The following PTPRA variants were observed in gnomAD, a reference collection of about 807,000 sequenced individuals.
The protein encoded by PTPRA is protein tyrosine phosphatase receptor type A, also known as receptor-type tyrosine-protein phosphatase alpha.
In PTPRA, 25 loss-of-function variants were observed where a neutral mutation model predicts 104.8. The observed-to-expected ratio is 0.24, with a 90% CI of 0.17 to 0.33. PTPRA has a LOEUF of 0.33. PTPRA is among the 10% of genes least tolerant of loss of function. The pLI is 1.00. For synonymous variants in PTPRA, 323 were observed against 368.9 expected (o/e 0.88, Z 1.43); for missense variants, 765 against 1,015.3 (o/e 0.75, Z 3.35).
chr20:3,007,298 GAA>G (rs1351839806), intron 10 of PTPRA, 44 bp from the exon 11 acceptor site: 1 of 1,573,920 alleles, frequency 6.4e-7, no homozygotes, highest in South Asian at 1.1e-5. Flanking sequence ...GGTTCTGTGA[GAA>G]ATAAATTTTG....
intron 11 of PTPRA, among the ~76,000 whole-genome samples, chr20:3,010,174 T>G (rs115108408): frequency 6.6e-6 from 1 of 151,720 alleles, no homozygotes; most frequent in Non-Finnish European, 1.5e-5. Flanking sequence ...TCTCATATAC[T>G]GTGAAAGCAA....
intron 3 of PTPRA, among the ~76,000 whole-genome samples, chr20:2,959,295 T>C (rs993175000): frequency 6.6e-6 from 1 of 152,210 alleles, no homozygotes; most frequent in Non-Finnish European, 1.5e-5. Flanking sequence ...AGGCTAATTG[T>C]TACTCCCACC....
chr20:3,013,035 T>C (rs1400142434), intron 11 of PTPRA, among the ~76,000 whole-genome samples: 1 of 152,194 alleles, frequency 6.6e-6, no homozygotes, highest in Non-Finnish European at 1.5e-5. Flanking sequence ...TTTTAGAACA[T>C]TGTCATCCCC....
intron 2 of PTPRA, among the ~76,000 whole-genome samples, chr20:2,926,390 C>T (rs549860539): frequency 6.6e-6 from 1 of 152,284 alleles, no homozygotes; most frequent in African/African-American, 2.4e-5. Context: ...TTGTAGATGG[C>T]ATTCTCTCTG....
At chr20:2,903,508 AGACTCT>A (rs1043038077) in intron 1 of PTPRA, among the ~76,000 whole-genome samples, 2 of 152,154 alleles carry the variant, frequency 1.3e-5, no homozygotes, top group African/African-American at 4.8e-5. Flanking sequence ...CAACATAGCA[AGACTCT>A]GACTCTGCAA....
In PTPRA at chr20:2,923,285, G is replaced by A. The variant is rs2060163149; in HGVS notation, c.-50G>A. Reference sequence around the variant, plus strand: ...TGGATGATGCAGTTCAAATAACTAAGGTAAGAGAAATAAAACCAGAACTGT... The same window carrying A: ...TGGATGATGCAGTTCAAATAACTAAAGTAAGAGAAATAAAACCAGAACTGT... On this transcript the variant is annotated splice_region_variant and 5_prime_UTR_variant, in exon 2 of 24. Coordinates refer to ENST00000399903, the MANE Select transcript of PTPRA (RefSeq NM_001385305.1). The A allele has an allele frequency of 1.6e-6, 2 of 1,286,138 alleles. No homozygotes were observed. Among genetic ancestry groups the A allele is most frequent in the Non-Finnish European group, 2.0e-6 (2 of 987,070 alleles). The allele number at this position is 1,286,138 out of a possible 1,614,324, so 79.7% of individuals were successfully genotyped here. A position where few individuals can be genotyped will look rare whatever the true frequency, so the allele number is the denominator to read the frequency against.
At chr20:2,864,406 G>A in the PTPRA span, 1 of 1,614,202 alleles carries the variant, frequency 6.2e-7, no homozygotes, top group Non-Finnish European at 8.5e-7. This position sits in a 1 kb window ranked among gnomAD's most constrained non-coding sequence, Gnocchi z 5.2. Flanking sequence ...GCTGAACCGA[G>A]GAGATTTTTT....
chr20:3,012,216 G>A (rs933542451), intron 11 of PTPRA, among the ~76,000 whole-genome samples: 1 of 152,202 alleles, frequency 6.6e-6, no homozygotes, highest in African/African-American at 2.4e-5. Context: ...TCAAGGCAGG[G>A]AGTAGTGTGA....
chr20:2,866,364 G>T, the PTPRA span: 1 of 1,613,990 alleles, frequency 6.2e-7, no homozygotes, highest in Admixed American at 1.7e-5. Flanking sequence ...GCTGTGGGCT[G>T]GTGAGAGGCA....
chr20:2,978,803 G>A (rs1600204755), intron 6 of PTPRA, among the ~76,000 whole-genome samples: 1 of 152,172 alleles, frequency 6.6e-6, no homozygotes, highest in African/African-American at 2.4e-5. Context: ...GTATGTAAAT[G>A]AATGAACATG....
intron 1 of PTPRA, among the ~76,000 whole-genome samples, chr20:2,918,609 G>A (rs957793314): frequency 1.3e-5 from 2 of 152,194 alleles, no homozygotes; most frequent in African/African-American, 4.8e-5. Flanking sequence ...CTTCCCATTT[G>A]TTGTATTCAT....
At chr20:2,953,181 G>T (rs534997256) in intron 3 of PTPRA, among the ~76,000 whole-genome samples, 6 of 152,004 alleles carry the variant, frequency 3.9e-5, no homozygotes, top group Non-Finnish European at 2.9e-5. Flanking sequence ...AGTGTTCAGG[G>T]TTCCAATTTG....
At chr20:2,905,809 C>T (rs1000645739) in intron 1 of PTPRA, among the ~76,000 whole-genome samples, 5 of 151,066 alleles carry the variant, frequency 3.3e-5, no homozygotes, top group African/African-American at 9.8e-5. Flanking sequence ...CTCAGCCTGC[C>T]GAATAGCTGG....
chr20:2,864,630 C>T, the PTPRA span: 1 of 1,614,136 alleles, frequency 6.2e-7, no homozygotes, highest in East Asian at 2.2e-5. The surrounding 1 kb of genome is among the most constrained non-coding windows in gnomAD (Gnocchi z 5.2). Flanking sequence ...GCTTCCACAT[C>T]CGAGCCAGCT....
At position 2,936,715 on chromosome 20, in the gene PTPRA, C is replaced by G. The variant is rs536077982; in HGVS notation, c.-49-11267C>G. Reference sequence around the variant, plus strand: ...CTCGAAGTCTTGGGCTGAAGTGATCCACCTACCTTGGTCTCCCAAAGTGCT... The same window carrying G: ...CTCGAAGTCTTGGGCTGAAGTGATCGACCTACCTTGGTCTCCCAAAGTGCT... On this transcript the variant is annotated intron_variant, in intron 2 of 23. Coordinates refer to ENST00000399903, the MANE Select transcript of PTPRA (RefSeq NM_001385305.1). 3.0e-4 allele frequency among the ~76,000 whole-genome samples: 45 copies of G among 152,216 alleles called. 1 individual carries two copies. In the South Asian group the frequency reaches 9.1e-3, roughly 31 times the overall value.
intron 7 of PTPRA, 87 bp downstream of exon 7, chr20:2,986,936 G>T: frequency 8.5e-7 from 1 of 1,178,318 alleles, no homozygotes; most frequent in Non-Finnish European, 1.3e-6. Flanking sequence ...GTAGACAGTA[G>T]GATATACACA....
In PTPRA at chr20:3,030,676, C is replaced by CTTTT. The variant is rs1180681994; in HGVS notation, c.1920+2859_1920+2862dup. 4.0e-3 allele frequency among the ~76,000 whole-genome samples: 269 copies of CTTTT among 67,728 alleles called. 50 individuals are homozygous for CTTTT. Among genetic ancestry groups the CTTTT allele is most frequent in the Admixed American group, 0.029 (147 of 4,984 alleles). 44.4% of individuals were successfully genotyped at this position (67,728 alleles called of 152,430 possible). On this transcript the variant is annotated intron_variant, in intron 20 of 23. Transcript: ENST00000399903. ...AAAAATTTTTAATTATCTCCCTCTG[C>CTTTT]TTTTTTTTTTTTTTTTTTTTTTTTT...
Position 2,933,715 on chromosome 20 carries a change from G to A in PTPRA, c.-50+10430G>A, listed in dbSNP as rs2060590360. Among the ~76,000 whole-genome samples the A allele has an allele frequency of 2.0e-5, 3 of 152,058 alleles. No individual in the cohort carries two copies. The South Asian group carries it at 6.2e-4, about 32-fold the overall frequency. On this transcript the variant is annotated intron_variant, in intron 2 of 23. Coordinates refer to ENST00000399903, the MANE Select transcript of PTPRA (RefSeq NM_001385305.1). ...GACCTCAAGTGATTTGCCTCCCTCAGCCTCCCAAAGTGCTGGGATTACAGA... is the reference window on the plus strand; with the variant it reads ...GACCTCAAGTGATTTGCCTCCCTCAACCTCCCAAAGTGCTGGGATTACAGA...
chr20:2,907,841 G>A (rs1286470697), intron 1 of PTPRA, among the ~76,000 whole-genome samples: 1 of 151,644 alleles, frequency 6.6e-6, no homozygotes, highest in African/African-American at 2.4e-5. Context: ...TATTGATCTT[G>A]CTCCTAATAT....
Sources: gnomAD v4.1 joint callset for allele counts (sites outside exome capture counted in the v4.1 genomes callset) on GRCh38, gnomAD v4.1.1 for gene constraint, Gnocchi (gnomAD v3.1) non-coding constraint, MANE v1.5 for transcripts, NCBI Gene and HGNC (gene_info 2026-07-23, HGNC 2026-07-21) for gene names.